COIL: variants seen among roughly 807,000 people sequenced by gnomAD.
COIL encodes coilin.
Under a neutral mutation model 51.6 loss-of-function variants are expected in COIL, and 28 were observed. The ratio of observed to expected loss-of-function variants is 0.54; its 90% confidence interval spans 0.40 to 0.74. COIL has a LOEUF of 0.74. COIL is among the 30% of genes least tolerant of loss of function. The pLI is 0.00. For missense variants in COIL, 667 were observed against 685.9 expected, an observed-to-expected ratio of 0.97 and a Z score of 0.31; for synonymous variants, 233 against 255.8, an observed-to-expected ratio of 0.91 and a Z score of 0.85.
chr17:56,952,111 A>G (rs1039660356), intron 1 of COIL: 31 of 418,686 alleles, frequency 7.4e-5, no homozygotes, highest in African/African-American at 6.0e-4. Flanking sequence ...ACCCAGCCCC[A>G]TCGTCCAGTT....
At chr17:56,948,014 C>A (rs1257673277) in intron 4 of COIL, among the ~76,000 whole-genome samples, 1 of 152,070 alleles carries the variant, frequency 6.6e-6, no homozygotes, top group African/African-American at 2.4e-5. Flanking sequence ...TACATGATCA[C>A]CTCATCCATA....
intron 1 of COIL, among the ~76,000 whole-genome samples, chr17:56,956,756 T>A (rs1411811682): frequency 6.6e-6 from 1 of 152,000 alleles, no homozygotes; most frequent in Non-Finnish European, 1.5e-5. Flanking sequence ...CATGCCCAGC[T>A]AATTTTGTTG....
At chr17:56,942,966 A>G (rs1023688182) in intron 5 of COIL, among the ~76,000 whole-genome samples, 4 of 152,236 alleles carry the variant, frequency 2.6e-5, no homozygotes, top group African/African-American at 9.6e-5. Flanking sequence ...CCTTTACTAC[A>G]TAGGGAAATT....
rs1263392130 is a variant in COIL at position 56,960,829 on chromosome 17, C to T, written c.191G>A (p.Gly64Glu). Residue 64 changes from glycine to glutamate, a missense_variant, in exon 1 of 7, where the codon GGG (glycine) becomes GAG (glutamate). Transcript: ENST00000240316. Reference protein sequence around the residue: ...GAFLGLYLEGGLLPPAESARL... With the variant: ...GAFLGLYLEGELLPPAESARL... ...CGCGCTCTCGGCGGGGGGCAAGAGC[C>T]CCCCCTCCAGGTAGAGGCCTAGGAA... 6.3e-7 allele frequency: 1 copy of T among 1,599,284 alleles called. No homozygotes were observed.
intron 1 of COIL, among the ~76,000 whole-genome samples, chr17:56,958,353 T>C (rs1167790794): frequency 6.6e-6 from 1 of 152,216 alleles, no homozygotes; most frequent in Non-Finnish European, 1.5e-5. Context: ...TGTTCTTCCG[T>C]AGCTCTGAAG....
intron 5 of COIL, among the ~76,000 whole-genome samples, chr17:56,942,412 C>T (rs1442050184): frequency 6.6e-6 from 1 of 152,112 alleles, no homozygotes; most frequent in African/African-American, 2.4e-5. Context: ...ACAAGATAAT[C>T]CCCAAAATTA....
chr17:56,953,482 G>A (rs1200474038), intron 1 of COIL, among the ~76,000 whole-genome samples: 1 of 151,394 alleles, frequency 6.6e-6, no homozygotes, highest in Non-Finnish European at 1.5e-5. Flanking sequence ...CCAGCTACCT[G>A]AGGTAGGAGG....
chr17:56,957,095 CCT>C (rs1397391358), intron 1 of COIL, among the ~76,000 whole-genome samples: 4 of 151,798 alleles, frequency 2.6e-5, no homozygotes, highest in Non-Finnish European at 5.9e-5. Flanking sequence ...CTTAGTGAGA[CCT>C]CTCTACTAAA....
intron 5 of COIL, among the ~76,000 whole-genome samples, chr17:56,942,416 A>C (rs1910166527): frequency 6.6e-6 from 1 of 152,162 alleles, no homozygotes; most frequent in Non-Finnish European, 1.5e-5. Flanking sequence ...GATAATCCCC[A>C]AAATTAATTA....
At position 56,953,150 on chromosome 17, in the gene COIL, G is replaced by A. The variant is rs1408110851; in HGVS notation, c.246-2154C>T. On this transcript the variant is annotated intron_variant, in intron 1 of 6. Coordinates refer to ENST00000240316, the MANE Select transcript of COIL (RefSeq NM_004645.3). Reference sequence around the variant, plus strand: ...CATCAGGCTGGGCACGGTGGCTCACGCCTGTAATCCCAGCACTTTGGGAGG... The same window carrying A: ...CATCAGGCTGGGCACGGTGGCTCACACCTGTAATCCCAGCACTTTGGGAGG... Among the ~76,000 whole-genome samples the A allele has an allele frequency of 7.2e-5, 11 of 152,074 alleles. No homozygotes were observed. In the East Asian group the frequency reaches 1.2e-3, roughly 16 times the overall value.
At position 56,943,201 on chromosome 17, in the gene COIL, T is replaced by C. The variant is rs751016843; in HGVS notation, c.1559-1078A>G. On this transcript the variant is annotated intron_variant, in intron 5 of 6. Transcript: ENST00000240316. ...GCAACTGTTATACTCTTTTCTAAGTTTGAAACTGCTTTCTACATTTTATCC... is the reference window on the plus strand; with the variant it reads ...GCAACTGTTATACTCTTTTCTAAGTCTGAAACTGCTTTCTACATTTTATCC... Among the ~76,000 whole-genome samples the C allele has an allele frequency of 4.9e-4, 74 of 152,346 alleles. 1 individual carries two copies. The highest frequency in any genetic ancestry group is 1.7e-3 in the African/African-American group (72 of 41,578).
intron 6 of COIL, among the ~76,000 whole-genome samples, chr17:56,940,514 A>C (rs537993043): frequency 6.6e-6 from 1 of 152,286 alleles, no homozygotes; most frequent in African/African-American, 2.4e-5. Flanking sequence ...CAACCAAAAA[A>C]AACTATTGCA....
intron 4 of COIL, among the ~76,000 whole-genome samples, chr17:56,948,696 T>C (rs1189679532): frequency 6.6e-6 from 1 of 151,188 alleles, no homozygotes; most frequent in African/African-American, 2.4e-5. Context: ...TACTGAACTA[T>C]GAAAAACCTC....
intron 5 of COIL, among the ~76,000 whole-genome samples, chr17:56,945,778 C>T (rs1910236369): frequency 6.6e-6 from 1 of 152,224 alleles, no homozygotes; most frequent in South Asian, 2.1e-4. Context: ...GGCAGTTGCA[C>T]TATCTCGGCT....
chr17:56,950,091 C>T lies in COIL; in HGVS notation c.1151G>A (p.Ser384Asn), dbSNP rs948026897. The T allele has an allele frequency of 3.1e-6, 5 of 1,614,082 alleles. No individual in the cohort carries two copies. Among genetic ancestry groups the T allele is most frequent in the Middle Eastern group, 1.6e-4 (1 of 6,062 alleles). ...GGGQAPGASP[S>N]VSLPASLGRG... The stretch of plus-strand genomic sequence containing the variant: ...TCCTAAACTAGCAGGGAGAGACACA[C>T]TGGGAGAAGCACCAGGAGCCTGTCC... Residue 384 changes from serine (S) to asparagine (N), a missense_variant, in exon 2 of 7, where the codon AGT becomes AAT. Ser to Asn is a conservative substitution (Grantham distance 46). Transcript: ENST00000240316.
intron 4 of COIL, 46 bp downstream of exon 4, chr17:56,949,341 G>T: frequency 6.7e-7 from 1 of 1,484,286 alleles, no homozygotes; most frequent in Non-Finnish European, 9.2e-7. Flanking sequence ...TATGACTTTA[G>T]TTTTAATAAT....
Position 56,939,051 on chromosome 17 carries a change from A to G in COIL, c.*20T>C, listed in dbSNP as rs536527958. On this transcript the variant is annotated 3_prime_UTR_variant, in exon 7 of 7. Transcript: ENST00000240316. ...TTCACAAACAAGACATTCATAAACT[A>G]TAAGGTGGAGAGGTCATACTCAGGC... is the stretch of plus-strand genomic sequence containing the variant. The G allele has an allele frequency of 3.7e-5, 51 of 1,386,688 alleles. 1 individual carries two copies. In the South Asian group the frequency reaches 4.5e-4, roughly 12 times the overall value. The allele number at this position is 1,386,688 out of a possible 1,614,324, so 85.9% of individuals were successfully genotyped here.
At chr17:56,940,692 A>G (rs1332710797) in intron 6 of COIL, among the ~76,000 whole-genome samples, 2 of 152,222 alleles carry the variant, frequency 1.3e-5, no homozygotes, top group African/African-American at 2.4e-5. Flanking sequence ...TATGTTTGCA[A>G]TATTGAAACT....
At chr17:56,947,108 A>G (rs1460271535) in intron 4 of COIL, among the ~76,000 whole-genome samples, 1 of 152,140 alleles carries the variant, frequency 6.6e-6, no homozygotes, top group African/African-American at 2.4e-5. Context: ...GGCGATGGGG[A>G]GACACATGGT....
Sources: gnomAD v4.1 joint callset for allele counts (sites outside exome capture counted in the v4.1 genomes callset) on GRCh38, gnomAD v4.1.1 for gene constraint, MANE v1.5 for transcripts, NCBI Gene and HGNC (gene_info 2026-07-23, HGNC 2026-07-21) for gene names.